Variants in RNF13 observed in about 807,000 individuals in gnomAD.
RNF13 encodes the protein E3 ubiquitin-protein ligase RNF13.
In RNF13, 19 loss-of-function variants were observed where a neutral mutation model predicts 37.7. The ratio of observed to expected loss-of-function variants is 0.50; its 90% CI spans 0.35 to 0.74. The LOEUF (loss-of-function observed/expected upper bound fraction) is 0.74, where lower values mean the gene tolerates loss of function less well. Among genes scored for constraint, RNF13 ranks in the 30% least tolerant of loss-of-function variants. The pLI, the probability that RNF13 is intolerant of heterozygous loss-of-function variation, is 0.01. For missense variants in RNF13, 375 were observed against 453.0 expected, an observed-to-expected ratio of 0.83 and a Z score of 1.56; for synonymous variants, 144 against 157.8, an observed-to-expected ratio of 0.91 and a Z score of 0.65.
intron 4 of RNF13, among the ~76,000 whole-genome samples, chr3:149,873,181 G>A (rs879365486): frequency 6.6e-6 from 1 of 152,112 alleles, no homozygotes; most frequent in Non-Finnish European, 1.5e-5. Context: ...ATTTCTTGCT[G>A]CTAAGAAATT....
intron 7 of RNF13, among the ~76,000 whole-genome samples, chr3:149,912,411 A>G (rs1035152033): frequency 2.6e-5 from 4 of 152,170 alleles, no homozygotes; most frequent in African/African-American, 9.7e-5. Flanking sequence ...CACAAAATTA[A>G]TTGTGTTGTA....
At chr3:149,816,631 T>C (rs1437871956) in intron 1 of RNF13, among the ~76,000 whole-genome samples, 2 of 150,778 alleles carry the variant, frequency 1.3e-5, no homozygotes, top group African/African-American at 4.9e-5. Flanking sequence ...GGTATAGAGA[T>C]AGGAAAAGCA....
intron 8 of RNF13, among the ~76,000 whole-genome samples, chr3:149,935,965 C>T (rs1719627396): frequency 6.6e-6 from 1 of 151,710 alleles, no homozygotes; most frequent in Non-Finnish European, 1.5e-5. Context: ...CTTCAGAAGT[C>T]ATTATCTCTC....
At chr3:149,842,425 A>C (rs937410320) in intron 1 of RNF13, among the ~76,000 whole-genome samples, 4 of 152,108 alleles carry the variant, frequency 2.6e-5, no homozygotes, top group Admixed American at 2.6e-4. Context: ...GCATAATTGT[A>C]TTTATTCTAC....
intron 4 of RNF13, among the ~76,000 whole-genome samples, chr3:149,881,827 A>G (rs1713444558): frequency 6.6e-6 from 1 of 152,222 alleles, no homozygotes; most frequent in African/African-American, 2.4e-5. Flanking sequence ...GCCACTTAGC[A>G]AAAGGTCAAC....
intron 9 of RNF13, 34 bp downstream of exon 9, chr3:149,960,170 T>TA: frequency 7.6e-7 from 1 of 1,324,058 alleles, no homozygotes; most frequent in Non-Finnish European, 1.1e-6. Flanking sequence ...TGAATTTACA[T>TA]ATAGTAATTT....
intron 8 of RNF13, among the ~76,000 whole-genome samples, chr3:149,923,756 C>T (rs887649845): frequency 7.1e-6 from 1 of 141,570 alleles, no homozygotes; most frequent in Non-Finnish European, 1.5e-5. Flanking sequence ...CAGAGCAAGA[C>T]TCCATCTCAA....
intron 8 of RNF13, among the ~76,000 whole-genome samples, chr3:149,921,906 A>G (rs1718162684): frequency 6.6e-6 from 1 of 152,142 alleles, no homozygotes; most frequent in African/African-American, 2.4e-5. Flanking sequence ...ACTAATTTAC[A>G]TACCCACCAA....
chr3:149,862,166 A>G (rs1724324999), intron 3 of RNF13, among the ~76,000 whole-genome samples: 1 of 152,088 alleles, frequency 6.6e-6, no homozygotes, highest in Non-Finnish European at 1.5e-5. Flanking sequence ...AAATTATACA[A>G]TTTATTATAG....
At chr3:149,843,636 T>C (rs1722375327) in intron 1 of RNF13, among the ~76,000 whole-genome samples, 1 of 152,246 alleles carries the variant, frequency 6.6e-6, no homozygotes, top group South Asian at 2.1e-4. Context: ...GCATTGGCTT[T>C]TGAAGCCCTT....
At chr3:149,854,292 A>C (rs752857583) in intron 3 of RNF13, among the ~76,000 whole-genome samples, 1 of 152,222 alleles carries the variant, frequency 6.6e-6, no homozygotes, top group Non-Finnish European at 1.5e-5. Context: ...AATATACATA[A>C]GAAAAAGGAA....
chr3:149,826,626 A>T (rs956125257), intron 1 of RNF13, among the ~76,000 whole-genome samples: 2 of 152,250 alleles, frequency 1.3e-5, no homozygotes, highest in African/African-American at 2.4e-5. Context: ...TATATTATGC[A>T]AAATGAAATA....
intron 8 of RNF13, among the ~76,000 whole-genome samples, chr3:149,947,901 C>G (rs1320785843): frequency 6.6e-6 from 1 of 152,052 alleles, no homozygotes; most frequent in South Asian, 2.1e-4. Flanking sequence ...TCCAGTTTCT[C>G]ATTTGCATAG....
At chr3:149,847,207 AT>A (rs1300012277) in intron 2 of RNF13, among the ~76,000 whole-genome samples, 1 of 152,218 alleles carries the variant, frequency 6.6e-6, no homozygotes, top group African/African-American at 2.4e-5. Flanking sequence ...TTTTCAGTTT[AT>A]GATGAATTTA....
chr3:149,871,391 A>G (rs905501008), intron 3 of RNF13, among the ~76,000 whole-genome samples: 3 of 149,546 alleles, frequency 2.0e-5, no homozygotes, highest in Non-Finnish European at 4.4e-5. Context: ...TGGGAAAGCA[A>G]CTTGCTGTTT....
At chr3:149,858,322 T>C (rs939422506) in intron 3 of RNF13, among the ~76,000 whole-genome samples, 2 of 152,220 alleles carry the variant, frequency 1.3e-5, no homozygotes, top group African/African-American at 4.8e-5. Flanking sequence ...AAGCAAGGTC[T>C]CTTGCTATAC....
intron 4 of RNF13, among the ~76,000 whole-genome samples, chr3:149,888,003 T>C (rs772996049): frequency 1.3e-5 from 2 of 152,190 alleles, no homozygotes; most frequent in Non-Finnish European, 2.9e-5. Context: ...GAAGACATCA[T>C]GAGTAAATTG....
At chr3:149,901,095 TTGTA>T (rs1033267580) in intron 5 of RNF13, among the ~76,000 whole-genome samples, 1 of 152,200 alleles carries the variant, frequency 6.6e-6, no homozygotes, top group African/African-American at 2.4e-5. Flanking sequence ...GTGGTTATAA[TTGTA>T]TGTATTTGTC....
chr3:149,841,450 C>A (rs1372914869), intron 1 of RNF13, among the ~76,000 whole-genome samples: 1 of 152,118 alleles, frequency 6.6e-6, no homozygotes, highest in African/African-American at 2.4e-5. Flanking sequence ...AGTTTTCCCC[C>A]AAATTCTCTT....
Sources: allele counts gnomAD v4.1 joint callset (sites outside exome capture counted in the v4.1 genomes callset), GRCh38; gene constraint gnomAD v4.1.1; transcripts MANE v1.5; gene names NCBI Gene and HGNC (gene_info 2026-07-23, HGNC 2026-07-21).